Variants in AFG2A observed in about 807,000 individuals in gnomAD.
AFG2A encodes AAA ATPase AFG2A.
At chr4:123,004,074 G>C in the AFG2A span, among the ~76,000 whole-genome samples, 3 of 152,192 alleles carry the variant, frequency 2.0e-5, no homozygotes, top group Admixed American at 6.5e-5. Context: ...GCTGTGCTAG[G>C]AATCAGCGAG....
the AFG2A span, among the ~76,000 whole-genome samples, chr4:123,154,007 TTTCAAAGACTTTTGAAAGACAAAA>T: frequency 6.6e-6 from 1 of 152,290 alleles, no homozygotes; most frequent in East Asian, 1.9e-4. Flanking sequence ...GACATTTGTC[TTTCAAAGACTTTTGAAAGACAAAA>T]TTATCGGACA....
the AFG2A span, among the ~76,000 whole-genome samples, chr4:123,030,331 C>T: frequency 6.6e-6 from 1 of 152,128 alleles, no homozygotes; most frequent in Non-Finnish European, 1.5e-5. Context: ...CCTAGAATTA[C>T]TTAGAAATAT....
chr4:123,172,526 C>T, the AFG2A span, among the ~76,000 whole-genome samples: 8,546 of 152,168 alleles, frequency 0.056, 406 homozygotes, highest in African/African-American at 0.12. Context: ...TCACTATCTT[C>T]CTATAATCTA....
chr4:123,214,942 T>G, the AFG2A span, among the ~76,000 whole-genome samples: 17 of 152,218 alleles, frequency 1.1e-4, no homozygotes, highest in Admixed American at 3.9e-4. Context: ...AGTAGTTAAA[T>G]TTTTTGGAGA....
the AFG2A span, among the ~76,000 whole-genome samples, chr4:122,949,739 A>G: frequency 6.6e-6 from 1 of 152,170 alleles, no homozygotes; most frequent in Admixed American, 6.5e-5. Flanking sequence ...CCCCTCTGTA[A>G]TGTGTTGCAG....
the AFG2A span, among the ~76,000 whole-genome samples, chr4:122,996,969 G>C: frequency 6.6e-6 from 1 of 152,108 alleles, no homozygotes; most frequent in Admixed American, 6.6e-5. Flanking sequence ...TAGCTGATTG[G>C]ATGGTGCCTG....
the AFG2A span, among the ~76,000 whole-genome samples, chr4:123,002,756 C>G: frequency 1.3e-5 from 2 of 152,108 alleles, no homozygotes; most frequent in African/African-American, 4.8e-5. Context: ...TTCATTTTAA[C>G]TTTGGTGAAT....
At chr4:123,266,635 T>C in the AFG2A span, among the ~76,000 whole-genome samples, 1 of 151,908 alleles carries the variant, frequency 6.6e-6, no homozygotes, top group African/African-American at 2.4e-5. Flanking sequence ...TCTGTAATCC[T>C]ATTTTTATTT....
chr4:123,229,909 AAAGT>A, the AFG2A span, among the ~76,000 whole-genome samples: 1 of 151,978 alleles, frequency 6.6e-6, no homozygotes, highest in African/African-American at 2.4e-5. Flanking sequence ...TCAGCAAAAT[AAAGT>A]GAGTTTCTCA....
the AFG2A span, among the ~76,000 whole-genome samples, chr4:123,194,629 A>G: frequency 7.2e-5 from 11 of 152,226 alleles, no homozygotes; most frequent in Non-Finnish European, 1.6e-4. Flanking sequence ...TGAAAATTTC[A>G]AAAAGATTTA....
chr4:123,260,249 A>T, the AFG2A span: 2 of 152,236 alleles, frequency 1.3e-5, no homozygotes, highest in African/African-American at 4.8e-5. Flanking sequence ...AATTCATTAG[A>T]GTTAAATACA....
chr4:123,001,223 G>C, the AFG2A span, among the ~76,000 whole-genome samples: 17 of 151,772 alleles, frequency 1.1e-4, no homozygotes, highest in East Asian at 1.8e-3. Flanking sequence ...TGCTAGCGGT[G>C]TATCAATTTT....
chr4:122,989,521 A>T, the AFG2A span, among the ~76,000 whole-genome samples: 1 of 152,060 alleles, frequency 6.6e-6, no homozygotes, highest in Non-Finnish European at 1.5e-5. Flanking sequence ...CCTGGCACTG[A>T]GGTGGGCCTT....
chr4:122,982,674 G>A, the AFG2A span, among the ~76,000 whole-genome samples: 2 of 151,778 alleles, frequency 1.3e-5, no homozygotes, highest in Non-Finnish European at 2.9e-5. Context: ...ACTCATTATT[G>A]GCCTGTTCAG....
the AFG2A span, among the ~76,000 whole-genome samples, chr4:123,156,608 G>C: frequency 6.6e-6 from 1 of 151,924 alleles, no homozygotes; most frequent in Admixed American, 6.6e-5. Context: ...TTATCACCAA[G>C]ACAGCTGGTA....
At chr4:123,181,390 T>C in the AFG2A span, among the ~76,000 whole-genome samples, 3 of 152,040 alleles carry the variant, frequency 2.0e-5, no homozygotes, top group Non-Finnish European at 4.4e-5. Flanking sequence ...GGTGGACAGA[T>C]TGCTTGATCC....
chr4:122,975,959 T>C, the AFG2A span, among the ~76,000 whole-genome samples: 1 of 152,184 alleles, frequency 6.6e-6, no homozygotes, highest in Non-Finnish European at 1.5e-5. Flanking sequence ...TCACTGCTTT[T>C]TCTTGGTAGA....
At chr4:123,055,310 A>C in the AFG2A span, among the ~76,000 whole-genome samples, 3 of 152,176 alleles carry the variant, frequency 2.0e-5, no homozygotes, top group African/African-American at 7.2e-5. Flanking sequence ...TGAGGATGTG[A>C]AATAAATCAA....
chr4:122,984,880 T>C, the AFG2A span, among the ~76,000 whole-genome samples: 2 of 152,100 alleles, frequency 1.3e-5, no homozygotes, highest in African/African-American at 4.8e-5. Context: ...GGATTTTAGC[T>C]TCAGTGTTCA....
Sources: allele counts gnomAD v4.1 joint callset (sites outside exome capture counted in the v4.1 genomes callset), GRCh38; gene constraint gnomAD v4.1.1; transcripts MANE v1.5; gene names NCBI Gene and HGNC (gene_info 2026-07-23, HGNC 2026-07-21).